HOMER2: variants seen among roughly 807,000 people sequenced by gnomAD.
The protein encoded by HOMER2 is homer protein homolog 2.
A neutral mutation model predicts 47.0 loss-of-function variants in HOMER2; 27 were observed. That is an observed-to-expected ratio of 0.57 (90% CI 0.42 to 0.79). The LOEUF is 0.79. Among genes scored for constraint, HOMER2 ranks in the 30% least tolerant of loss-of-function variants. The probability of loss-of-function intolerance (pLI) is 0.00; values close to 1 mark genes in which losing one functional copy is unlikely to be tolerated. For missense variants in HOMER2, 443 were observed against 435.0 expected (o/e 1.02, Z -0.16); for synonymous variants, 161 against 163.8 (o/e 0.98, Z 0.13).
intron 3 of HOMER2, among the ~76,000 whole-genome samples, chr15:82,868,127 GTCT>G (rs2151643484): frequency 6.6e-6 from 1 of 152,126 alleles, no homozygotes; most frequent in African/African-American, 2.4e-5. Flanking sequence ...CTGCATGTAT[GTCT>G]TCTTTTGAAA....
At chr15:82,968,258 T>C (rs930481280) in intron 1 of HOMER2, among the ~76,000 whole-genome samples, 1 of 152,192 alleles carries the variant, frequency 6.6e-6, no homozygotes, top group Non-Finnish European at 1.5e-5. Context: ...ATCACCACTA[T>C]ACAGTTCCAG....
intron 1 of HOMER2, among the ~76,000 whole-genome samples, chr15:82,909,924 C>G (rs980693975): frequency 6.6e-6 from 1 of 151,960 alleles, no homozygotes; most frequent in Non-Finnish European, 1.5e-5. Context: ...CACCCGAGGT[C>G]AGGAGTTTGA....
intron 2 of HOMER2, among the ~76,000 whole-genome samples, chr15:82,882,878 CTGCTTTTTTTT>C (rs1349807097): frequency 1.9e-5 from 1 of 53,514 alleles, no homozygotes; most frequent in African/African-American, 8.2e-5. Context: ...ACACCAGCCA[CTGCTTTTTTTT>C]TTTTTTTTTT....
intron 1 of HOMER2, among the ~76,000 whole-genome samples, chr15:82,919,721 A>C (rs1011455420): frequency 1.3e-5 from 2 of 152,240 alleles, no homozygotes; most frequent in Non-Finnish European, 2.9e-5. Context: ...CTGCAGAGGC[A>C]AAAAATGTGC....
exon 2 of HOMER2, chr15:82,837,973 C>CT (rs2051143768): frequency 6.6e-6 from 1 of 152,380 alleles, no homozygotes; most frequent in African/African-American, 2.4e-5. Flanking sequence ...ATCCGGAGGG[C>CT]TGGGGCCTTT....
In HOMER2 at chr15:82,875,146, C is replaced by T. The variant is rs972765386; in HGVS notation, c.294+127G>A. On this transcript the variant is annotated intron_variant, in intron 3 of 8. Coordinates refer to ENST00000450735, the MANE Select transcript of HOMER2 (RefSeq NM_004839.4). ...CTCTGCTTTGGCAGCCCCGTGATGC[C>T]AGGAGGAGTGAAACCAAAGACCAGA... is the stretch of plus-strand genomic sequence containing the variant. 9.9e-6 allele frequency: 11 copies of T among 1,112,146 alleles called. No individual in the cohort carries two copies. The African/African-American group carries it at 1.6e-4, about 16-fold the overall frequency. 68.9% of individuals were successfully genotyped at this position (1,112,146 alleles called of 1,614,324 possible). A position where few individuals can be genotyped will look rare whatever the true frequency, so the allele number is the denominator to read the frequency against.
chr15:82,942,786 G>A (rs939831503), intron 1 of HOMER2, among the ~76,000 whole-genome samples: 5 of 152,062 alleles, frequency 3.3e-5, no homozygotes, highest in South Asian at 2.1e-4. Context: ...TCATTCTCCC[G>A]GCCTTCCCGA....
intron 1 of HOMER2, among the ~76,000 whole-genome samples, chr15:82,944,451 A>C (rs2054329039): frequency 6.6e-6 from 1 of 152,212 alleles, no homozygotes; most frequent in African/African-American, 2.4e-5. Flanking sequence ...CTTTTTGCTC[A>C]ATTTATTTTC....
chr15:82,891,149 G>C (rs539280753), intron 2 of HOMER2, among the ~76,000 whole-genome samples: 263 of 152,272 alleles, frequency 1.7e-3, no homozygotes, highest in African/African-American at 5.4e-3. Context: ...CTACCCGCCT[G>C]ATAGGTGTCA....
At chr15:82,927,338 T>G (rs994123783) in intron 1 of HOMER2, among the ~76,000 whole-genome samples, 12 of 152,066 alleles carry the variant, frequency 7.9e-5, no homozygotes, top group African/African-American at 2.9e-4. Context: ...ATCACTCCCA[T>G]GAACAGTGCC....
intron 1 of HOMER2, among the ~76,000 whole-genome samples, chr15:82,936,426 G>C (rs921889847): frequency 5.9e-5 from 9 of 152,222 alleles, no homozygotes; most frequent in Non-Finnish European, 1.3e-4. Context: ...GAGAGGGATG[G>C]TGTCTGTTTT....
intron 1 of HOMER2, among the ~76,000 whole-genome samples, chr15:82,971,582 AT>A (rs1482932230): frequency 3.3e-5 from 5 of 152,154 alleles, no homozygotes; most frequent in Non-Finnish European, 5.9e-5. Context: ...TCACTTTGAC[AT>A]TTCTCTTTAG....
chr15:82,942,838 G>A (rs1288523644), intron 1 of HOMER2, among the ~76,000 whole-genome samples: 1 of 152,190 alleles, frequency 6.6e-6, no homozygotes, highest in Non-Finnish European at 1.5e-5. Flanking sequence ...CCACCTGAGA[G>A]GCTTAGCAAT....
chr15:82,862,887 G>A (rs558771579), intron 4 of HOMER2, among the ~76,000 whole-genome samples: 1 of 152,128 alleles, frequency 6.6e-6, no homozygotes, highest in South Asian at 2.1e-4. Flanking sequence ...ACAAACCCAG[G>A]GTCCCTGTCA....
intron 3 of HOMER2, among the ~76,000 whole-genome samples, chr15:82,874,544 C>A (rs1452120298): frequency 1.3e-5 from 2 of 152,154 alleles, no homozygotes; most frequent in African/African-American, 4.8e-5. Context: ...ATGATTTGCT[C>A]CTCAACACCT....
At chr15:82,929,137 C>A (rs909780233) in intron 1 of HOMER2, among the ~76,000 whole-genome samples, 2 of 151,916 alleles carry the variant, frequency 1.3e-5, no homozygotes, top group Admixed American at 6.6e-5. Context: ...CGATCATAGA[C>A]CCAGCCTAAC....
chr15:82,921,690 G>C (rs1372775484), intron 1 of HOMER2, among the ~76,000 whole-genome samples: 1 of 152,130 alleles, frequency 6.6e-6, no homozygotes. Context: ...TGCCCTTGCT[G>C]GACCTGCAGA....
chr15:82,879,091 T>C (rs150864382), intron 2 of HOMER2, among the ~76,000 whole-genome samples: 2 of 152,370 alleles, frequency 1.3e-5, no homozygotes, highest in Non-Finnish European at 2.9e-5. Context: ...ATTTCAGACA[T>C]TGTTATTTTT....
rs2029955243 is a variant in HOMER2 at position 82,970,676 on chromosome 15, A to T, written n.83-11368T>A. Among the ~76,000 whole-genome samples, 5 of 152,212 alleles carry T rather than the reference A, an allele frequency of 3.3e-5. No homozygotes were observed. In the South Asian group the frequency reaches 6.2e-4, roughly 19 times the overall value. ...TGTAAAGGAAAAGAGAACAAACAAA[A>T]CGAAGTAGATTGATATCTTGCTAGG... On this transcript the variant is annotated intron_variant and non_coding_transcript_variant, in intron 1 of 1. Coordinates refer to the HOMER2 transcript ENST00000500334.
Sources: gnomAD v4.1 joint callset for allele counts (sites outside exome capture counted in the v4.1 genomes callset) on GRCh38, gnomAD v4.1.1 for gene constraint, MANE v1.5 for transcripts, NCBI Gene and HGNC (gene_info 2026-07-23, HGNC 2026-07-21) for gene names.